EPHA6: variants seen among roughly 807,000 people sequenced by gnomAD.
The protein encoded by EPHA6 is EPH receptor A6.
A neutral mutation model predicts 112.0 loss-of-function variants in EPHA6; 50 were observed. The ratio of observed to expected loss-of-function variants is 0.45; its 90% CI spans 0.36 to 0.56. EPHA6 has a LOEUF of 0.56. Ranked by LOEUF, EPHA6 falls within the 20% of genes least tolerant of loss-of-function variation. EPHA6 has a pLI of 0.00. For synonymous variants in EPHA6, 529 were observed against 490.7 expected, an observed-to-expected ratio of 1.08 and a Z score of -1.03; for missense variants, 1,280 against 1,417.4, an observed-to-expected ratio of 0.90 and a Z score of 1.56.
intron 11 of EPHA6, among the ~76,000 whole-genome samples, chr3:97,535,309 T>C (rs1577692199): frequency 6.6e-6 from 1 of 152,142 alleles, no homozygotes; most frequent in South Asian, 2.1e-4. Flanking sequence ...GTTCCACTTC[T>C]TAAAAAAAAG....
intron 14 of EPHA6, among the ~76,000 whole-genome samples, chr3:97,687,659 A>AAT: frequency 6.6e-6 from 1 of 152,332 alleles, no homozygotes; most frequent in East Asian, 1.9e-4. Context: ...TGAAATGATT[A>AAT]ATGTAAACAA....
At chr3:97,306,162 G>A (rs1478910689) in intron 5 of EPHA6, among the ~76,000 whole-genome samples, 3 of 151,830 alleles carry the variant, frequency 2.0e-5, no homozygotes, top group Admixed American at 6.6e-5. Flanking sequence ...TAACAACTTC[G>A]TAGGTTGGTA....
chr3:97,275,750 T>G lies in EPHA6; in HGVS notation c.1606+31463T>G, dbSNP rs146246727. Among the ~76,000 whole-genome samples, 4 of 151,870 alleles carry G rather than the reference T, an allele frequency of 2.6e-5. No homozygotes were observed. In the East Asian group the frequency reaches 7.8e-4, roughly 30 times the overall value. The stretch of plus-strand genomic sequence containing the variant: ...TTGGCATTGAACGGGGTAAGGGTGA[T>G]TAGGTTTTAATGAGATGGTAAGGGG... On this transcript the variant is annotated intron_variant, in intron 5 of 17. Transcript: ENST00000389672.
At chr3:97,219,635 C>T (rs576057247) in intron 3 of EPHA6, among the ~76,000 whole-genome samples, 196 of 152,206 alleles carry the variant, frequency 1.3e-3, no homozygotes, top group African/African-American at 4.1e-3. Context: ...GCCCAGCCCA[C>T]GAAACCTTTT....
chr3:97,228,574 A>C (rs939277190), intron 4 of EPHA6, among the ~76,000 whole-genome samples: 3 of 145,662 alleles, frequency 2.1e-5, no homozygotes, highest in African/African-American at 7.4e-5. Flanking sequence ...ATGTCATATA[A>C]ATGTTATATA....
intron 5 of EPHA6, among the ~76,000 whole-genome samples, chr3:97,264,033 T>A (rs1361515558): frequency 6.6e-6 from 1 of 152,204 alleles, no homozygotes; most frequent in East Asian, 1.9e-4. Flanking sequence ...AGCAAGATAG[T>A]AAATATTTTC....
At chr3:96,832,008 C>G (rs529761056) in intron 1 of EPHA6, among the ~76,000 whole-genome samples, 1 of 151,982 alleles carries the variant, frequency 6.6e-6, no homozygotes, top group Non-Finnish European at 1.5e-5. Context: ...TTGAGTGGGT[C>G]AAGCCCCTGC....
chr3:97,431,202 A>C (rs2089481937), intron 6 of EPHA6, among the ~76,000 whole-genome samples: 2 of 151,972 alleles, frequency 1.3e-5, no homozygotes, highest in African/African-American at 4.8e-5. Context: ...AAATAGGTTT[A>C]TTTTCACATA....
intron 3 of EPHA6, among the ~76,000 whole-genome samples, chr3:97,224,688 A>G (rs1340726247): frequency 1.3e-5 from 2 of 152,026 alleles, no homozygotes; most frequent in Non-Finnish European, 2.9e-5. Flanking sequence ...ATTAATTTTA[A>G]ACGGTCTTAT....
chr3:97,361,653 A>G (rs1360077287), intron 5 of EPHA6, among the ~76,000 whole-genome samples: 1 of 152,158 alleles, frequency 6.6e-6, no homozygotes, highest in Non-Finnish European at 1.5e-5. Flanking sequence ...GCTAGCTGGC[A>G]TCTATCTTTT....
intron 3 of EPHA6, among the ~76,000 whole-genome samples, chr3:97,068,609 T>C (rs1258937760): frequency 6.6e-6 from 1 of 151,628 alleles, no homozygotes; most frequent in African/African-American, 2.4e-5. Context: ...GAGGAACATG[T>C]ACACACTCAC....
intron 5 of EPHA6, among the ~76,000 whole-genome samples, chr3:97,350,919 T>C (rs150160212): frequency 3.1e-4 from 47 of 152,220 alleles, no homozygotes; most frequent in African/African-American, 9.9e-4. Context: ...TGGGATGAAA[T>C]TGAAATATGA....
intron 5 of EPHA6, among the ~76,000 whole-genome samples, chr3:97,306,777 G>T (rs1253917490): frequency 6.6e-6 from 1 of 151,702 alleles, no homozygotes; most frequent in Non-Finnish European, 1.5e-5. Flanking sequence ...CTGAGCTCTA[G>T]GAACTACCTT....
chr3:97,507,065 G>A (rs2092267882), intron 10 of EPHA6, among the ~76,000 whole-genome samples: 1 of 152,160 alleles, frequency 6.6e-6, no homozygotes, highest in African/African-American at 2.4e-5. Context: ...GAGATTTTGA[G>A]CTGAGATGAT....
At chr3:96,919,535 A>G (rs1351501419) in intron 2 of EPHA6, among the ~76,000 whole-genome samples, 1 of 151,818 alleles carries the variant, frequency 6.6e-6, no homozygotes, top group Non-Finnish European at 1.5e-5. Context: ...AGCTTTAGGG[A>G]ATATTTTTTA....
At chr3:97,747,163 G>GA (rs1448585915) in intron 16 of EPHA6, among the ~76,000 whole-genome samples, 11 of 150,902 alleles carry the variant, frequency 7.3e-5, no homozygotes, top group Non-Finnish European at 1.3e-4. Flanking sequence ...AAATTAAAAA[G>GA]AAAAAAAAGA....
At chr3:97,041,394 C>G (rs1228630208) in intron 3 of EPHA6, among the ~76,000 whole-genome samples, 1 of 152,012 alleles carries the variant, frequency 6.6e-6, no homozygotes, top group Non-Finnish European at 1.5e-5. Context: ...GACATTATTC[C>G]TGGAAGCACT....
intron 2 of EPHA6, among the ~76,000 whole-genome samples, chr3:96,969,900 T>C (rs1300270784): frequency 6.6e-6 from 1 of 152,054 alleles, no homozygotes; most frequent in Non-Finnish European, 1.5e-5. Context: ...GAGATTTGTC[T>C]ATCAATGTAC....
intron 5 of EPHA6, among the ~76,000 whole-genome samples, chr3:97,332,793 G>C (rs2082863568): frequency 6.6e-6 from 1 of 151,626 alleles, no homozygotes. Context: ...TCTATTTCTG[G>C]ATTCTCTATT....
Sources: allele counts gnomAD v4.1 joint callset (sites outside exome capture counted in the v4.1 genomes callset), GRCh38; gene constraint gnomAD v4.1.1; transcripts MANE v1.5; gene names NCBI Gene and HGNC (gene_info 2026-07-23, HGNC 2026-07-21).